The following SLC35F3 variants were observed in gnomAD, a reference collection of about 807,000 sequenced individuals.
The protein encoded by SLC35F3 is solute carrier family 35 member F3.
Under a neutral mutation model 49.9 loss-of-function variants are expected in SLC35F3, and 25 were observed. The ratio of observed to expected loss-of-function variants is 0.50; its 90% CI spans 0.37 to 0.70. The LOEUF (loss-of-function observed/expected upper bound fraction) is 0.70, where lower values mean the gene tolerates loss of function less well. SLC35F3 is among the 30% of genes least tolerant of loss of function. The pLI is 0.00. For missense variants in SLC35F3, 525 were observed against 639.8 expected (o/e 0.82, Z 1.94); for synonymous variants, 275 against 265.4 (o/e 1.04, Z -0.35).
At chr1:234,009,139 G>GA (rs1213044446) in intron 2 of SLC35F3, among the ~76,000 whole-genome samples, 1 of 151,554 alleles carries the variant, frequency 6.6e-6, no homozygotes, top group East Asian at 1.9e-4. Flanking sequence ...CCTATCTATC[G>GA]AAAAAAAGCA....
intron 2 of SLC35F3, among the ~76,000 whole-genome samples, chr1:233,977,820 A>C (rs1663115601): frequency 2.0e-5 from 3 of 152,148 alleles, no homozygotes; most frequent in Admixed American, 1.3e-4. Context: ...AAGTCTACCA[A>C]GCAGGACTTC....
intron 2 of SLC35F3, among the ~76,000 whole-genome samples, chr1:234,139,863 G>A (rs142074116): frequency 0.051 from 7,786 of 151,368 alleles, 610 homozygotes; most frequent in African/African-American, 0.17. Flanking sequence ...CAGGAGAATC[G>A]CTTGAACCCG....
intron 6 of SLC35F3, 107 bp downstream of exon 6, chr1:234,319,050 T>C (rs1475959953): frequency 2.2e-6 from 2 of 893,726 alleles, no homozygotes; most frequent in Non-Finnish European, 3.5e-6. Context: ...TGCTATTCTT[T>C]AGTTCTCACT....
In SLC35F3 at chr1:234,095,922, A is replaced by C. The variant is rs148350424; in HGVS notation, c.284-135495A>C. On this transcript the variant is annotated intron_variant, in intron 2 of 7. Coordinates refer to ENST00000366618, the MANE Select transcript of SLC35F3 (RefSeq NM_173508.4). ...TGAAGTATTAGCTATTACTGTTGTAATCAGTGAGTGCTTTTCTACTGTGCA... is the reference window on the plus strand; with the variant it reads ...TGAAGTATTAGCTATTACTGTTGTACTCAGTGAGTGCTTTTCTACTGTGCA... Among the ~76,000 whole-genome samples the C allele has an allele frequency of 2.5e-3, 384 of 152,362 alleles. 3 individuals are homozygous for C. Among genetic ancestry groups the C allele is most frequent in the Non-Finnish European group, 3.6e-3 (245 of 68,038 alleles).
At chr1:234,300,948 G>A (rs1668682738) in intron 3 of SLC35F3, among the ~76,000 whole-genome samples, 1 of 152,238 alleles carries the variant, frequency 6.6e-6, no homozygotes, top group Admixed American at 6.5e-5. Context: ...TATAGGCCAT[G>A]GTGATAAATT....
intron 2 of SLC35F3, among the ~76,000 whole-genome samples, chr1:233,941,868 G>A (rs186564440): frequency 5.3e-5 from 8 of 151,696 alleles, no homozygotes; most frequent in East Asian, 3.9e-4. Flanking sequence ...GAATGTATGC[G>A]TACACCCATG....
intron 2 of SLC35F3, among the ~76,000 whole-genome samples, chr1:234,061,011 T>C (rs534787509): frequency 6.6e-6 from 1 of 152,210 alleles, no homozygotes; most frequent in Non-Finnish European, 1.5e-5. Context: ...GAAATATGCA[T>C]CTATACTGTC....
intron 3 of SLC35F3, among the ~76,000 whole-genome samples, chr1:234,275,242 G>A (rs1234456851): frequency 6.6e-6 from 1 of 152,002 alleles, no homozygotes; most frequent in Non-Finnish European, 1.5e-5. Flanking sequence ...TGTGTACAAA[G>A]TGTATCAGAA....
intron 2 of SLC35F3, among the ~76,000 whole-genome samples, chr1:234,095,302 G>A (rs981698177): frequency 2.0e-5 from 3 of 152,176 alleles, no homozygotes; most frequent in African/African-American, 7.2e-5. Context: ...GATTTAAACA[G>A]ATTTGGGCCT....
At chr1:234,079,386 G>A (rs982010251) in intron 2 of SLC35F3, among the ~76,000 whole-genome samples, 9 of 152,004 alleles carry the variant, frequency 5.9e-5, no homozygotes, top group South Asian at 2.1e-4. Context: ...TTTTAGATTA[G>A]GCATCAATTT....
In SLC35F3 at chr1:234,117,906, CTA is replaced by C. The variant is rs1357923905; in HGVS notation, c.284-113505_284-113504del. 4.5e-5 allele frequency among the ~76,000 whole-genome samples: 4 copies of C among 88,780 alleles called. 1 individual carries two copies. The Admixed American group carries it at 5.0e-4, about 11-fold the overall frequency. The allele number at this position is 88,780 out of a possible 152,430, so 58.2% of individuals were successfully genotyped here. A position where few individuals can be genotyped will look rare whatever the true frequency, so the allele number is the denominator to read the frequency against. ...GTCTCAAAAAAGAAAAAAAAAAAGACTATATATGTGTGTGTGTGTGTGTGTGT... is the reference window on the plus strand; with the variant it reads ...GTCTCAAAAAAGAAAAAAAAAAAGACTATATGTGTGTGTGTGTGTGTGTGT... On this transcript the variant is annotated intron_variant, in intron 2 of 7. Transcript: ENST00000366618.
chr1:234,198,167 C>G (rs1666842918), intron 2 of SLC35F3, among the ~76,000 whole-genome samples: 1 of 152,180 alleles, frequency 6.6e-6, no homozygotes, highest in Admixed American at 6.5e-5. Context: ...TGATTAGCAC[C>G]TTTTGCTCAG....
chr1:234,292,359 C>G (rs116058064), intron 3 of SLC35F3, among the ~76,000 whole-genome samples: 2 of 152,198 alleles, frequency 1.3e-5, no homozygotes, highest in African/African-American at 4.8e-5. Flanking sequence ...TCCCTTGACC[C>G]ACTTATGCCT....
chr1:233,996,919 C>T (rs868213110), intron 2 of SLC35F3, among the ~76,000 whole-genome samples: 2 of 152,082 alleles, frequency 1.3e-5, no homozygotes, highest in Admixed American at 6.5e-5. Context: ...CCCTGTGACC[C>T]CCCACCCCTT....
intron 2 of SLC35F3, among the ~76,000 whole-genome samples, chr1:233,973,161 A>G (rs952535417): frequency 7.9e-5 from 12 of 152,226 alleles, no homozygotes; most frequent in African/African-American, 2.9e-4. Context: ...CATGGCTCCC[A>G]TGTCCCCTGT....
intron 2 of SLC35F3, among the ~76,000 whole-genome samples, chr1:234,091,511 A>G (rs934032971): frequency 2.0e-4 from 31 of 152,186 alleles, no homozygotes; most frequent in African/African-American, 7.0e-4. Flanking sequence ...AAGTCTGTTC[A>G]TGCATCTCCA....
At chr1:234,215,297 CAG>C (rs1667105471) in intron 2 of SLC35F3, among the ~76,000 whole-genome samples, 1 of 152,072 alleles carries the variant, frequency 6.6e-6, no homozygotes, top group Non-Finnish European at 1.5e-5. Flanking sequence ...AGCGAGAGGA[CAG>C]GGGAAGAAGC....
chr1:234,180,052 A>AT (rs1666533434), intron 2 of SLC35F3, among the ~76,000 whole-genome samples: 2 of 152,092 alleles, frequency 1.3e-5, no homozygotes, highest in South Asian at 2.1e-4. Flanking sequence ...TTCCATAGAC[A>AT]TTTTTTGTAA....
At chr1:234,129,350 A>T (rs1184120230) in intron 2 of SLC35F3, among the ~76,000 whole-genome samples, 1 of 152,248 alleles carries the variant, frequency 6.6e-6, no homozygotes, top group African/African-American at 2.4e-5. Flanking sequence ...AGACTCAAAA[A>T]CACCAAATAC....
Sources: allele counts gnomAD v4.1 joint callset (sites outside exome capture counted in the v4.1 genomes callset), GRCh38; gene constraint gnomAD v4.1.1; transcripts MANE v1.5; gene names NCBI Gene and HGNC (gene_info 2026-07-23, HGNC 2026-07-21).